Variants in SORCS1 observed in about 807,000 individuals in gnomAD.
SORCS1 encodes VPS10 domain-containing receptor SorCS1.
A neutral mutation model predicts 146.1 loss-of-function variants in SORCS1; 60 were observed. The ratio of observed to expected loss-of-function variants is 0.41; its 90% CI spans 0.33 to 0.51. The LOEUF (loss-of-function observed/expected upper bound fraction) is 0.51. Among genes scored for constraint, SORCS1 ranks in the 20% least tolerant of loss-of-function variants. The pLI, the probability that SORCS1 is intolerant of heterozygous loss-of-function variation, is 0.21. For synonymous variants in SORCS1, 637 were observed against 584.0 expected (o/e 1.09, Z -1.31); for missense variants, 1,352 against 1,487.6 (o/e 0.91, Z 1.50).
At chr10:106,803,764 C>T (rs570085765) in intron 3 of SORCS1, among the ~76,000 whole-genome samples, 1 of 152,316 alleles carries the variant, frequency 6.6e-6, no homozygotes, top group Admixed American at 6.5e-5. Context: ...AGAATTGTTA[C>T]AGCCAAGGGA....
intron 2 of SORCS1, among the ~76,000 whole-genome samples, chr10:106,855,030 T>C (rs1323527422): frequency 6.6e-6 from 1 of 152,182 alleles, no homozygotes; most frequent in Non-Finnish European, 1.5e-5. Flanking sequence ...AGAACTTCTT[T>C]TAACATTTAT....
rs184791397 is a variant in SORCS1 at position 106,896,703 on chromosome 10, T to G, written c.626+59810A>C. ...TTAAAATGAACTTTGACACACTAGA[T>G]CCACTCTCCCTGGAAACTTTCCCCA... is the stretch of plus-strand genomic sequence containing the variant. On this transcript the variant is annotated intron_variant, in intron 2 of 25. Transcript: ENST00000263054. 4.4e-3 allele frequency among the ~76,000 whole-genome samples: 669 copies of G among 151,438 alleles called. 2 individuals are homozygous for G. Among genetic ancestry groups the G allele is most frequent in the Non-Finnish European group, 6.4e-3 (437 of 67,906 alleles).
intron 2 of SORCS1, among the ~76,000 whole-genome samples, chr10:106,830,846 A>T (rs1948512446): frequency 6.6e-6 from 1 of 151,606 alleles, no homozygotes; most frequent in Non-Finnish European, 1.5e-5. Flanking sequence ...TAGTGAGCCG[A>T]GATCACACCA....
chr10:107,138,949 C>T (rs1241478263), intron 1 of SORCS1, among the ~76,000 whole-genome samples: 1 of 152,128 alleles, frequency 6.6e-6, no homozygotes, highest in African/African-American at 2.4e-5. Context: ...CACTCTTTTC[C>T]TCTTCTCTAG....
chr10:106,741,462 G>C (rs931780264), intron 5 of SORCS1, among the ~76,000 whole-genome samples: 10 of 152,144 alleles, frequency 6.6e-5, no homozygotes, highest in African/African-American at 2.4e-4. Flanking sequence ...AGCTGGCGTG[G>C]TGGCATGCAC....
chr10:107,089,938 C>A lies in SORCS1; in HGVS notation c.558+74031G>T, dbSNP rs184869400. ...TTTTAAAAGGGCTCTCAGATGGCTG[C>A]GGCTCTTTTCAGACTTAATTGTGAA... On this transcript the variant is annotated intron_variant, in intron 1 of 25. Coordinates refer to ENST00000263054, the MANE Select transcript of SORCS1 (RefSeq NM_052918.5). 6.6e-5 allele frequency among the ~76,000 whole-genome samples: 10 copies of A among 152,298 alleles called. No individual in the cohort carries two copies. The East Asian group carries it at 1.7e-3, about 26-fold the overall frequency.
chr10:106,724,912 G>T (rs1856040758), intron 6 of SORCS1, among the ~76,000 whole-genome samples: 1 of 152,108 alleles, frequency 6.6e-6, no homozygotes, highest in Non-Finnish European at 1.5e-5. Context: ...GGCCAGCGTG[G>T]GTGGATCACT....
At chr10:106,841,120 T>C (rs964677569) in intron 2 of SORCS1, among the ~76,000 whole-genome samples, 3 of 151,796 alleles carry the variant, frequency 2.0e-5, no homozygotes, top group East Asian at 2.0e-4. Flanking sequence ...TCCAAAAGTG[T>C]TGGGATTACA....
intron 5 of SORCS1, among the ~76,000 whole-genome samples, chr10:106,737,244 G>C (rs529484517): frequency 3.9e-5 from 6 of 152,294 alleles, no homozygotes; most frequent in African/African-American, 1.2e-4. Flanking sequence ...TGTCTCTAAA[G>C]ACATCACAAT....
At chr10:107,032,374 T>A (rs997613347) in intron 1 of SORCS1, among the ~76,000 whole-genome samples, 4 of 152,200 alleles carry the variant, frequency 2.6e-5, no homozygotes, top group African/African-American at 7.2e-5. Context: ...GCAGTGTTCA[T>A]TGTCCATGTT....
intron 3 of SORCS1, among the ~76,000 whole-genome samples, chr10:106,799,447 T>C (rs1454183466): frequency 6.6e-6 from 1 of 152,126 alleles, no homozygotes; most frequent in Non-Finnish European, 1.5e-5. Flanking sequence ...ACAGGCAACC[T>C]ACAGAATGGA....
chr10:106,823,835 A>G (rs559777691), intron 3 of SORCS1, among the ~76,000 whole-genome samples: 3 of 152,328 alleles, frequency 2.0e-5, no homozygotes, highest in South Asian at 4.1e-4. Context: ...CCCCAGCTGC[A>G]TGTAACTTCA....
At chr10:106,956,265 C>A (rs1954937395) in intron 2 of SORCS1, among the ~76,000 whole-genome samples, 1 of 152,178 alleles carries the variant, frequency 6.6e-6, no homozygotes, top group Non-Finnish European at 1.5e-5. Context: ...AGTGCATAAA[C>A]ACAACCTATC....
At chr10:106,800,351 G>A (rs1946802533) in intron 3 of SORCS1, among the ~76,000 whole-genome samples, 1 of 152,000 alleles carries the variant, frequency 6.6e-6, no homozygotes, top group Admixed American at 6.5e-5. Context: ...CCATATGACT[G>A]TAAGACTTCC....
At chr10:106,579,542 C>A in intron 24 of SORCS1, 68 bp from the exon 25 acceptor site, 3 of 1,493,604 alleles carry the variant, frequency 2.0e-6, no homozygotes, top group Non-Finnish European at 2.8e-6. Context: ...ATGAGAGGCT[C>A]AAATGTTTCA....
chr10:106,692,017 A>T (rs180987769), intron 9 of SORCS1, among the ~76,000 whole-genome samples: 208 of 152,264 alleles, frequency 1.4e-3, no homozygotes, highest in African/African-American at 4.6e-3. Context: ...ATAACAGTAA[A>T]GTAACTTTAT....
In SORCS1 at chr10:107,108,385, A is replaced by C. The variant is rs371708476; in HGVS notation, c.558+55584T>G. ...CTGGTGAAGCCTCAAGGAGCTTTCA[A>C]TCATGGTAGAAGGCAAAGGAGGAAC... On this transcript the variant is annotated intron_variant, in intron 1 of 25. Transcript: ENST00000263054. Among the ~76,000 whole-genome samples the C allele has an allele frequency of 7.2e-5, 11 of 152,318 alleles. No individual in the cohort carries two copies. In the East Asian group the frequency reaches 1.9e-3, roughly 27 times the overall value.
Position 106,607,292 on chromosome 10 carries a change from T to C in SORCS1, c.3039A>G (p.Thr1013=). The stretch of plus-strand genomic sequence containing the variant: ...CCAGGATGTGCTGGCCTGGAACCCC[T>C]GTGGCCTGAGGGACAGACACAGGGG... ...RVIKKSLVEA[T]GVPGQHILVA... is the part of the protein sequence containing the mutation. Residue 1013 remains threonine (T), a synonymous_variant, in exon 23 of 26, where the codon ACA becomes ACG. Coordinates refer to ENST00000263054, the MANE Select transcript of SORCS1 (RefSeq NM_052918.5). 3 of 1,613,982 alleles carry C rather than the reference T, an allele frequency of 1.9e-6. No homozygotes were observed. The highest frequency in any genetic ancestry group is 2.5e-6 in the Non-Finnish European group (3 of 1,179,934).
At chr10:107,050,534 C>T (rs1036834328) in intron 1 of SORCS1, among the ~76,000 whole-genome samples, 2 of 152,056 alleles carry the variant, frequency 1.3e-5, no homozygotes, top group Non-Finnish European at 2.9e-5. Flanking sequence ...GCTTTATTTC[C>T]AGAACCTTCT....
Sources: gnomAD v4.1 joint callset for allele counts (sites outside exome capture counted in the v4.1 genomes callset) on GRCh38, gnomAD v4.1.1 for gene constraint, MANE v1.5 for transcripts, NCBI Gene and HGNC (gene_info 2026-07-23, HGNC 2026-07-21) for gene names.